XDH: variants seen among roughly 807,000 people sequenced by gnomAD.
XDH encodes the protein xanthine dehydrogenase/oxidase.
In XDH, 138 loss-of-function variants were observed where a neutral mutation model predicts 156.1. The ratio of observed to expected loss-of-function variants is 0.88; its 90% confidence interval spans 0.77 to 1.02. The LOEUF is 1.02. Among genes scored for constraint, XDH ranks in the 50% least tolerant of loss-of-function variants. The pLI is 0.00. For missense variants in XDH, 1,849 were observed against 1,684.9 expected (o/e 1.10, Z -1.71); for synonymous variants, 669 against 625.7 (o/e 1.07, Z -1.03).
Position 31,337,729 on chromosome 2 carries a change from C to T in XDH, c.3863G>A (p.Gly1288Asp). Residue 1288 changes from glycine (G) to aspartate (D), a missense_variant, in exon 35 of 36, where the codon GGT becomes GAT. Transcript: ENST00000379416. Reference protein sequence around the residue: ...AIRAARAQHTGNNVKELFRLD... With the variant: ...AIRAARAQHTDNNVKELFRLD... ...CCGGAAGAGTTCCTTCACGTTATTA[C>T]CTGTGTGCTGAGCTCGAGCTGCACG... 1.2e-6 allele frequency: 2 copies of T among 1,614,206 alleles called. No individual in the cohort carries two copies. Among genetic ancestry groups the T allele is most frequent in the Non-Finnish European group, 1.7e-6 (2 of 1,180,036 alleles).
rs1311232806 is a variant in XDH, at chr2:31,365,461, T to C, written c.2540A>G (p.Tyr847Cys). Residue 847 changes from tyrosine (Y) to cysteine (C), a missense_variant, in exon 23 of 36, where the codon TAC (tyrosine) becomes TGC (cysteine). Transcript: ENST00000379416. The stretch of plus-strand genomic sequence containing the variant: ...CACAGCCCCAACATCTAGAACCTTG[T>C]ATCTGGCCAGGAAGGGATGTCTGCC... ...TGGRHPFLAR[Y>C]KVGFMKTGTV... 1.9e-6 allele frequency: 3 copies of C among 1,614,216 alleles called. No homozygotes were observed. The highest frequency in any genetic ancestry group is 8.5e-7 in the Non-Finnish European group (1 of 1,180,024).
At position 31,342,270 on chromosome 2, in the gene XDH, C is replaced by G; in HGVS notation, c.3432G>C (p.Glu1144Asp). The G allele has an allele frequency of 6.2e-7, 1 of 1,614,118 alleles. No homozygotes were observed. Among genetic ancestry groups the G allele is most frequent in the Non-Finnish European group, 8.5e-7 (1 of 1,180,014 alleles). The change falls in exon 32 of 36, where the codon GAG (glutamate) becomes GAC (aspartate). Residue 1144 changes from glutamate to aspartate, a missense_variant. Glu to Asp is a conservative substitution (Grantham distance 45, BLOSUM62 2). Transcript: ENST00000379416. ...YRTPNLGYSF[E>D]TNSGNPFHYF... ...AGTGGAAGGGGTTCCCTGAGTTAGTCTCAAAGCTGTAGCCCAGATTGGGTG... is the reference window on the plus strand; with the variant it reads ...AGTGGAAGGGGTTCCCTGAGTTAGTGTCAAAGCTGTAGCCCAGATTGGGTG...
At chr2:31,341,140 C>T (rs1685113267) in intron 33 of XDH, among the ~76,000 whole-genome samples, 189 bp downstream of exon 33, 1 of 152,160 alleles carries the variant, frequency 6.6e-6, no homozygotes, top group Non-Finnish European at 1.5e-5. Flanking sequence ...TATTAATTTG[C>T]TTTCTGCCTT....
intron 32 of XDH, 103 bp downstream of exon 32, chr2:31,342,080 A>G (rs1685138047): frequency 1.8e-6 from 2 of 1,102,800 alleles, no homozygotes; most frequent in Admixed American, 3.7e-5. Flanking sequence ...GGAAGGCATT[A>G]TTTTTCCAAC....
chr2:31,381,586 T>C, intron 12 of XDH, 47 bp downstream of exon 12: 3 of 1,593,156 alleles, frequency 1.9e-6, no homozygotes, highest in Non-Finnish European at 2.6e-6. Context: ...GGTGAGACTT[T>C]TCTCCCCCAA....
At chr2:31,354,962 A>T (rs933087632) in intron 24 of XDH, among the ~76,000 whole-genome samples, 4 of 152,194 alleles carry the variant, frequency 2.6e-5, no homozygotes, top group Admixed American at 2.6e-4. Flanking sequence ...GATAAGCCTG[A>T]AGAAATCTAT....
intron 6 of XDH, among the ~76,000 whole-genome samples, chr2:31,391,574 T>A (rs1189690155): frequency 1.3e-5 from 2 of 152,188 alleles, no homozygotes; most frequent in African/African-American, 2.4e-5. Context: ...TTGCATTGAG[T>A]CTACAGTTGG....
At chr2:31,342,347 C>T in intron 31 of XDH, 50 bp from the exon 32 acceptor site, 1 of 1,495,332 alleles carries the variant, frequency 6.7e-7, no homozygotes, top group South Asian at 1.1e-5. Context: ...TGAACACACC[C>T]CCTTCCCTAT....
chr2:31,337,533 G>C, intron 35 of XDH, 108 bp downstream of exon 35: 1 of 1,537,540 alleles, frequency 6.5e-7, no homozygotes, highest in East Asian at 2.3e-5. Context: ...AAGGCTGCCC[G>C]GTTAGGAGAG....
Position 31,387,900 on chromosome 2 carries a change from A to T in XDH, c.565-3T>A. On this transcript the variant is annotated splice_polypyrimidine_tract_variant and splice_region_variant and intron_variant, in intron 7 of 35. Coordinates refer to ENST00000379416, the MANE Select transcript of XDH (RefSeq NM_000379.4). ...AATAAAGATGGCGAGAGGCTGACCT[A>T]TGGGGAAAGAGAACAGGTAGGTGAT... 1 of 1,575,832 alleles carries T rather than the reference A, an allele frequency of 6.3e-7. No homozygotes were observed. Among genetic ancestry groups the T allele is most frequent in the Middle Eastern group, 1.7e-4 (1 of 5,998 alleles).
Position 31,340,054 on chromosome 2 carries a change from C to T in XDH, c.3586-377G>A, listed in dbSNP as rs373138949. Among the ~76,000 whole-genome samples, 15 of 152,338 alleles carry T rather than the reference C, an allele frequency of 9.8e-5. 1 individual carries two copies. The highest frequency in any genetic ancestry group is 2.2e-4 in the African/African-American group (9 of 41,572). On this transcript the variant is annotated intron_variant, in intron 33 of 35. Transcript: ENST00000379416. ...TAGTAGATTCTTTGAGACTTACCTC[C>T]AGCCTTTTTGAACGCCCACCCCTGC...
chr2:31,388,163 G>A lies in XDH; in HGVS notation c.564+64C>T, dbSNP rs2073316. ...CCCCACCGCCAGGGACATGGAGCTC[G>A]TGCACTGACTCCTCTAAGTCTCAGA... On this transcript the variant is annotated intron_variant, in intron 7 of 35. Transcript: ENST00000379416. The A allele has an allele frequency of 0.44, 694,844 of 1,564,950 alleles. 156,876 individuals carry two copies. Among genetic ancestry groups the A allele is most frequent in the Non-Finnish European group, 0.46 (525,300 of 1,136,332 alleles).
chr2:31,381,837 A>C, intron 11 of XDH, 111 bp from the exon 12 acceptor site: 1 of 948,886 alleles, frequency 1.1e-6, no homozygotes, highest in Non-Finnish European at 1.7e-6. Flanking sequence ...CAAACCCCTG[A>C]GGTCCTGTGC....
chr2:31,414,085 C>T (rs1167883919), intron 1 of XDH, among the ~76,000 whole-genome samples: 1 of 151,946 alleles, frequency 6.6e-6, no homozygotes, highest in Non-Finnish European at 1.5e-5. Flanking sequence ...TTGTGGTTTG[C>T]CACAAGGTGT....
intron 17 of XDH, among the ~76,000 whole-genome samples, chr2:31,371,678 T>TTG (rs935343783): frequency 2.0e-5 from 3 of 152,076 alleles, no homozygotes; most frequent in African/African-American, 7.3e-5. Context: ...ACACTTTTTT[T>TTG]TTTGTTTTCA....
intron 18 of XDH, among the ~76,000 whole-genome samples, 160 bp from the exon 19 acceptor site, chr2:31,368,820 A>T (rs1181151228): frequency 6.6e-6 from 1 of 152,214 alleles, no homozygotes; most frequent in Non-Finnish European, 1.5e-5. Flanking sequence ...CTACTGATTG[A>T]GGATCACTAG....
chr2:31,379,793 T>G, intron 13 of XDH, 74 bp downstream of exon 13: 4 of 1,458,234 alleles, frequency 2.7e-6, no homozygotes, highest in Non-Finnish European at 3.9e-6. Flanking sequence ...CTGAAGCAGA[T>G]TCTGATCTCT....
chr2:31,373,154 T>A (rs1407144771), intron 16 of XDH, among the ~76,000 whole-genome samples: 1 of 152,208 alleles, frequency 6.6e-6, no homozygotes, highest in Non-Finnish European at 1.5e-5. Flanking sequence ...TGGGTATAAT[T>A]AACTTGCTTA....
Position 31,374,166 on chromosome 2 carries a change from C to A in XDH, c.1603-210G>T, listed in dbSNP as rs12712316. The stretch of plus-strand genomic sequence containing the variant: ...CAGCCTCAGCTTCACTGCTAGCCCC[C>A]CAGTGGACCCTGTAGACTGAATGGT... On this transcript the variant is annotated intron_variant, in intron 15 of 35. Coordinates refer to ENST00000379416, the MANE Select transcript of XDH (RefSeq NM_000379.4). Among the ~76,000 whole-genome samples the A allele has an allele frequency of 0.064, 9,681 of 152,218 alleles. 635 individuals carry two copies. The highest frequency in any genetic ancestry group is 0.16 in the African/African-American group (6,626 of 41,492).
Sources: allele counts gnomAD v4.1 joint callset (sites outside exome capture counted in the v4.1 genomes callset), GRCh38; gene constraint gnomAD v4.1.1; transcripts MANE v1.5; gene names NCBI Gene and HGNC (gene_info 2026-07-23, HGNC 2026-07-21).